The following ARID5B variants were observed in gnomAD, a reference collection of about 807,000 sequenced individuals.
ARID5B encodes AT-rich interaction domain 5B.
ARID5B carries 13 observed loss-of-function variants against 97.2 expected under a neutral mutation model. The observed-to-expected ratio is 0.13, with a 90% CI of 0.09 to 0.21. The LOEUF is 0.21. Among genes scored for constraint, ARID5B ranks in the 10% least tolerant of loss-of-function variants. ARID5B has a pLI of 1.00. For missense variants in ARID5B, 1,210 were observed against 1,465.3 expected, an observed-to-expected ratio of 0.83 and a Z score of 2.84; for synonymous variants, 556 against 570.3, an observed-to-expected ratio of 0.97 and a Z score of 0.36.
At chr10:62,056,107 T>C (rs7898881) in intron 5 of ARID5B, among the ~76,000 whole-genome samples, 148,838 of 152,292 alleles carry the variant, frequency 0.98, 72,823 homozygotes, top group East Asian at 1. Flanking sequence ...AGCAACTTAG[T>C]GTTATATTTA....
intron 2 of ARID5B, among the ~76,000 whole-genome samples, chr10:61,912,218 A>T (rs1843817416): frequency 6.6e-6 from 1 of 152,240 alleles, no homozygotes; most frequent in Non-Finnish European, 1.5e-5. Flanking sequence ...ATTCACTAAT[A>T]CTGTGTATTC....
chr10:62,081,303 C>G (rs2132970867), intron 8 of ARID5B, among the ~76,000 whole-genome samples: 1 of 152,390 alleles, frequency 6.6e-6, no homozygotes, highest in Non-Finnish European at 1.5e-5. Context: ...CCCCCACTCT[C>G]TGGATTCAAT....
At chr10:61,997,273 G>C (rs1013055311) in intron 3 of ARID5B, among the ~76,000 whole-genome samples, 1 of 150,106 alleles carries the variant, frequency 6.7e-6, no homozygotes, top group African/African-American at 2.4e-5. Flanking sequence ...ATGAGGTGGA[G>C]AGAAAAAAAA....
chr10:62,012,704 CT>C (rs1839233841), intron 4 of ARID5B, among the ~76,000 whole-genome samples: 1 of 152,168 alleles, frequency 6.6e-6, no homozygotes, highest in Non-Finnish European at 1.5e-5. Flanking sequence ...TCCCTCCAGT[CT>C]TTTTCAAAAG....
intron 8 of ARID5B, among the ~76,000 whole-genome samples, chr10:62,072,498 G>A (rs560773494): frequency 9.8e-5 from 15 of 152,352 alleles, no homozygotes; most frequent in African/African-American, 3.6e-4. Context: ...TGGATTTGGA[G>A]TTGAAAGACA....
chr10:61,932,671 T>C (rs1037201777), intron 2 of ARID5B, among the ~76,000 whole-genome samples: 1 of 152,164 alleles, frequency 6.6e-6, no homozygotes, highest in African/African-American at 2.4e-5. Context: ...TGACACTTCA[T>C]TTCACGAAAG....
chr10:62,080,108 C>G (rs2132969025), intron 8 of ARID5B, among the ~76,000 whole-genome samples: 1 of 152,294 alleles, frequency 6.6e-6, no homozygotes, highest in Admixed American at 6.5e-5. Context: ...CCGCTATAGG[C>G]TCGTTCTTCA....
At chr10:61,970,305 G>T (rs1838607595) in intron 3 of ARID5B, among the ~76,000 whole-genome samples, 1 of 152,196 alleles carries the variant, frequency 6.6e-6, no homozygotes, top group South Asian at 2.1e-4. Flanking sequence ...TTGGCATATG[G>T]TCTTTGACCA....
chr10:62,042,100 C>T (rs1451984672), intron 4 of ARID5B, among the ~76,000 whole-genome samples: 2 of 152,088 alleles, frequency 1.3e-5, no homozygotes, highest in Non-Finnish European at 2.9e-5. Context: ...GATCCTTAAA[C>T]AGCCTTAAGA....
intron 4 of ARID5B, among the ~76,000 whole-genome samples, chr10:62,039,337 G>A (rs1263865658): frequency 6.6e-6 from 1 of 152,222 alleles, no homozygotes; most frequent in Non-Finnish European, 1.5e-5. Flanking sequence ...TGATGTTGCA[G>A]AAATTTTGGT....
At chr10:61,918,249 G>C (rs1843944928) in intron 2 of ARID5B, among the ~76,000 whole-genome samples, 2 of 152,202 alleles carry the variant, frequency 1.3e-5, no homozygotes, top group Admixed American at 1.3e-4. Context: ...TAGTTAAATG[G>C]AGTGTGAATA....
chr10:61,906,086 G>A (rs1294362669), intron 2 of ARID5B, among the ~76,000 whole-genome samples: 1 of 152,156 alleles, frequency 6.6e-6, no homozygotes, highest in African/African-American at 2.4e-5. Flanking sequence ...AAGTAGGGAT[G>A]ACTATAGATT....
At chr10:62,037,757 AAAG>A (rs1246529096) in intron 4 of ARID5B, among the ~76,000 whole-genome samples, 1 of 152,238 alleles carries the variant, frequency 6.6e-6, no homozygotes, top group Non-Finnish European at 1.5e-5. Context: ...ACAATAGTAC[AAAG>A]AAGAACAAGA....
chr10:61,966,914 T>C (rs1223563091), intron 3 of ARID5B, among the ~76,000 whole-genome samples: 1 of 152,192 alleles, frequency 6.6e-6, no homozygotes, highest in Non-Finnish European at 1.5e-5. Context: ...TAACATTTTT[T>C]ATCCTGGACC....
intron 4 of ARID5B, among the ~76,000 whole-genome samples, chr10:62,020,247 T>C (rs1839338695): frequency 6.6e-6 from 1 of 152,100 alleles, no homozygotes; most frequent in Non-Finnish European, 1.5e-5. Context: ...TGCCAGAAAG[T>C]TTTACAAAGA....
At chr10:61,920,149 G>C (rs926749878) in intron 2 of ARID5B, among the ~76,000 whole-genome samples, 3 of 151,996 alleles carry the variant, frequency 2.0e-5, no homozygotes, top group Non-Finnish European at 4.4e-5. Context: ...ATCTTTACAG[G>C]CTTTTTGTGT....
At chr10:62,007,241 C>T (rs1272397136) in intron 4 of ARID5B, among the ~76,000 whole-genome samples, 3 of 152,236 alleles carry the variant, frequency 2.0e-5, no homozygotes, top group African/African-American at 7.2e-5. Context: ...TTTATTATGT[C>T]CTGCCAGGGA....
chr10:61,983,978 C>G (rs1267396059), intron 3 of ARID5B, among the ~76,000 whole-genome samples: 1 of 22,616 alleles, frequency 4.4e-5, no homozygotes, highest in Non-Finnish European at 1.2e-4. Context: ...AGCTCCGCTT[C>G]CCGGGTTCAC....
rs79745824 is a variant in ARID5B at position 61,952,423 on chromosome 10, A to G, written c.502+12015A>G. ...TTGATCACCTTACTCTATACCTACC[A>G]ATATAATGCAGTATCTTTTTTCATG... On this transcript the variant is annotated intron_variant, in intron 3 of 9. Coordinates refer to ENST00000279873, the MANE Select transcript of ARID5B (RefSeq NM_032199.3). 4.4e-3 allele frequency among the ~76,000 whole-genome samples: 669 copies of G among 152,318 alleles called. 1 individual carries two copies. The highest frequency in any genetic ancestry group is 0.015 in the African/African-American group (642 of 41,576).
Sources: allele counts gnomAD v4.1 joint callset (sites outside exome capture counted in the v4.1 genomes callset), GRCh38; gene constraint gnomAD v4.1.1; transcripts MANE v1.5; gene names NCBI Gene and HGNC (gene_info 2026-07-23, HGNC 2026-07-21).